Variants in DACH1 observed in about 807,000 individuals in gnomAD.
DACH1 encodes the protein dachshund homolog 1.
DACH1 carries 12 observed loss-of-function variants against 54.2 expected under a neutral mutation model. That is an observed-to-expected ratio of 0.22 (90% CI 0.14 to 0.36). DACH1 has a LOEUF of 0.36. Ranked by LOEUF, DACH1 falls within the 10% of genes least tolerant of loss-of-function variation. DACH1 has a pLI of 1.00. For synonymous variants in DACH1, 386 were observed against 366.2 expected, an observed-to-expected ratio of 1.05 and a Z score of -0.62; for missense variants, 805 against 929.8, an observed-to-expected ratio of 0.87 and a Z score of 1.75.
intron 6 of DACH1, among the ~76,000 whole-genome samples, chr13:71,534,007 T>C (rs1429466691): frequency 2.0e-5 from 3 of 152,046 alleles, no homozygotes; most frequent in African/African-American, 7.2e-5. Context: ...ACCAATAACC[T>C]AGGCCTGCAG....
chr13:71,698,290 AT>A, intron 1 of DACH1, among the ~76,000 whole-genome samples: 1 of 152,324 alleles, frequency 6.6e-6, no homozygotes, highest in East Asian at 1.9e-4. Context: ...TAATTAGTTA[AT>A]AAACATTAAA....
At position 71,833,749 on chromosome 13, in the gene DACH1, T is replaced by C. The variant is rs146971075; in HGVS notation, c.848+32173A>G. 5.1e-3 allele frequency among the ~76,000 whole-genome samples: 770 copies of C among 152,148 alleles called. 1 individual carries two copies. The highest frequency in any genetic ancestry group is 0.016 in the African/African-American group (667 of 41,538). Reference sequence around the variant, plus strand: ...TTCGACAGTGTCATGCAGTTTTGCCTAGGATGGCTTTGTGAAGCTAAAATA... The same window carrying C: ...TTCGACAGTGTCATGCAGTTTTGCCCAGGATGGCTTTGTGAAGCTAAAATA... On this transcript the variant is annotated intron_variant, in intron 1 of 10. Coordinates refer to ENST00000613252, the MANE Select transcript of DACH1 (RefSeq NM_080759.6).
Position 71,600,952 on chromosome 13 carries a change from T to A in DACH1, c.1127-27940A>T, listed in dbSNP as rs920637782. On this transcript the variant is annotated intron_variant, in intron 3 of 10. Coordinates refer to ENST00000613252, the MANE Select transcript of DACH1 (RefSeq NM_080759.6). ...GTGTAACTCCAGTTATTTTTTTTTT[T>A]AATCTCTCCAGAAGATTCTAAGAAC... Among the ~76,000 whole-genome samples the A allele has an allele frequency of 5.3e-5, 8 of 151,962 alleles. 1 individual carries two copies. The South Asian group carries it at 1.7e-3, about 32-fold the overall frequency.
intron 3 of DACH1, among the ~76,000 whole-genome samples, chr13:71,584,629 T>G (rs1178512693): frequency 2.6e-5 from 4 of 152,150 alleles, no homozygotes; most frequent in African/African-American, 7.2e-5. Context: ...TTTGAACTAT[T>G]GAAACAGTTC....
chr13:71,708,735 C>T (rs969245193), intron 1 of DACH1, among the ~76,000 whole-genome samples: 16 of 151,950 alleles, frequency 1.1e-4, no homozygotes, highest in African/African-American at 3.4e-4. Context: ...TAATATCTTC[C>T]AAGTATTGTT....
chr13:71,815,945 C>G lies in DACH1; in HGVS notation c.848+49977G>C, dbSNP rs532945397. 1.2e-3 allele frequency among the ~76,000 whole-genome samples: 183 copies of G among 151,778 alleles called. 2 individuals are homozygous for G. The East Asian group carries it at 0.03, about 25-fold the overall frequency. ...CTAAAAATACAAAAAATTAGCCGGG[C>G]GTGGTAGCGGGCGCCTGTAGTCCCA... On this transcript the variant is annotated intron_variant, in intron 1 of 10. Coordinates refer to ENST00000613252, the MANE Select transcript of DACH1 (RefSeq NM_080759.6).
chr13:71,818,265 G>A (rs148928266), intron 1 of DACH1, among the ~76,000 whole-genome samples: 39 of 152,284 alleles, frequency 2.6e-4, no homozygotes, highest in African/African-American at 9.1e-4. Context: ...AAACAGGGTG[G>A]CCTGATAGAA....
chr13:71,596,496 C>T (rs1384474806), intron 3 of DACH1, among the ~76,000 whole-genome samples: 1 of 152,166 alleles, frequency 6.6e-6, no homozygotes, highest in Non-Finnish European at 1.5e-5. Flanking sequence ...ATACATTGTA[C>T]TTGTAATAAC....
At chr13:71,512,069 C>G (rs917965058) in intron 6 of DACH1, among the ~76,000 whole-genome samples, 2 of 151,956 alleles carry the variant, frequency 1.3e-5, no homozygotes, top group Admixed American at 1.3e-4. Context: ...GTCTATACTT[C>G]TTATGTTACC....
At chr13:71,707,495 A>C (rs568671564) in intron 1 of DACH1, among the ~76,000 whole-genome samples, 1 of 152,336 alleles carries the variant, frequency 6.6e-6, no homozygotes, top group East Asian at 1.9e-4. Context: ...TGGTCATGAA[A>C]GTGAACTGGA....
chr13:71,599,084 C>T (rs925596199), intron 3 of DACH1, among the ~76,000 whole-genome samples: 6 of 151,918 alleles, frequency 3.9e-5, no homozygotes, highest in African/African-American at 1.5e-4. Flanking sequence ...ACTATAAAAA[C>T]TAAAGATAAA....
chr13:71,609,923 T>G (rs934163665), intron 3 of DACH1, among the ~76,000 whole-genome samples: 2 of 152,170 alleles, frequency 1.3e-5, no homozygotes, highest in Non-Finnish European at 2.9e-5. Flanking sequence ...TTCTCATTTT[T>G]AAAAATATAC....
At chr13:71,848,747 A>G (rs2063755346) in intron 1 of DACH1, among the ~76,000 whole-genome samples, 1 of 151,946 alleles carries the variant, frequency 6.6e-6, no homozygotes, top group African/African-American at 2.4e-5. Flanking sequence ...ATGGTCTGGA[A>G]CCCCCATGCT....
chr13:71,454,376 C>T (rs1437396372), intron 10 of DACH1, among the ~76,000 whole-genome samples: 1 of 152,138 alleles, frequency 6.6e-6, no homozygotes, highest in Non-Finnish European at 1.5e-5. Context: ...CTGCCTCCTA[C>T]AATTACAGCC....
chr13:71,459,843 A>T (rs767694010), intron 10 of DACH1, among the ~76,000 whole-genome samples: 13 of 152,056 alleles, frequency 8.5e-5, no homozygotes, highest in Admixed American at 3.3e-4. Flanking sequence ...AAAGCACTGC[A>T]AGTGTTAAAA....
chr13:71,785,361 A>G (rs1197471828), intron 1 of DACH1, among the ~76,000 whole-genome samples: 1 of 152,206 alleles, frequency 6.6e-6, no homozygotes, highest in Non-Finnish European at 1.5e-5. Context: ...TGCTGTTAAG[A>G]TTTAAAAAGC....
intron 1 of DACH1, among the ~76,000 whole-genome samples, chr13:71,737,209 C>A (rs1200719285): frequency 6.6e-6 from 1 of 151,536 alleles, no homozygotes; most frequent in Non-Finnish European, 1.5e-5. Context: ...GGCGACAGAA[C>A]AAGACTCCGT....
chr13:71,610,806 T>A (rs933282676), intron 3 of DACH1, among the ~76,000 whole-genome samples: 2 of 152,224 alleles, frequency 1.3e-5, no homozygotes, highest in Admixed American at 1.3e-4. Context: ...CTAGAACTTC[T>A]AGTGTTAAAT....
intron 6 of DACH1, among the ~76,000 whole-genome samples, chr13:71,525,051 C>T (rs976915092): frequency 1.3e-5 from 2 of 152,138 alleles, no homozygotes; most frequent in East Asian, 1.9e-4. Context: ...TATGGCAGTG[C>T]CTTTCCATTA....
Sources: gnomAD v4.1 joint callset for allele counts (sites outside exome capture counted in the v4.1 genomes callset) on GRCh38, gnomAD v4.1.1 for gene constraint, MANE v1.5 for transcripts, NCBI Gene and HGNC (gene_info 2026-07-23, HGNC 2026-07-21) for gene names.